The following PLG variants were observed in gnomAD, a reference collection of about 807,000 sequenced individuals.
PLG encodes plasminogen.
In PLG, 41 loss-of-function variants were observed where a neutral mutation model predicts 104.4. The ratio of observed to expected loss-of-function variants is 0.39; its 90% CI spans 0.31 to 0.51. PLG has a LOEUF of 0.51. Among genes scored for constraint, PLG ranks in the 20% least tolerant of loss-of-function variants. The pLI is 0.76. For synonymous variants in PLG, 337 were observed against 357.1 expected (o/e 0.94, Z 0.63); for missense variants, 891 against 1,003.6 (o/e 0.89, Z 1.52).
Position 160,744,769 on chromosome 6 carries a change from C to G in PLG, c.2125+3352C>G, listed in dbSNP as rs1778251498. Among the ~76,000 whole-genome samples the G allele has an allele frequency of 6.6e-6, 1 of 152,084 alleles. No individual in the cohort carries two copies. Among genetic ancestry groups the G allele is most frequent in the South Asian group, 2.1e-4 (1 of 4,828 alleles). On this transcript the variant is annotated intron_variant, in intron 17 of 18. Coordinates refer to ENST00000308192, the MANE Select transcript of PLG (RefSeq NM_000301.5). This position sits in a 1 kb window ranked among gnomAD's most constrained non-coding sequence, Gnocchi z 4.5. The stretch of plus-strand genomic sequence containing the variant: ...TGATGTTAGGTTCTTAATTTGAGAT[C>G]TTTCTTCTTGATGCTAGCATTTGGT...
Position 160,752,144 on chromosome 6 carries a change from G to A in PLG, c.2155G>A (p.Ala719Thr). ...TTTTGGAGCTGGCCTTCTCAAGGAA[G>A]CCCAGCTCCCTGTGATTGAGAATAA... ...GTFGAGLLKE[A>T]QLPVIENKVC... Residue 719 changes from alanine (A) to threonine (T), a missense_variant, in exon 18 of 19, where the codon GCC becomes ACC. By Grantham distance (58) the Ala-to-Thr change is moderately conservative (BLOSUM62 0). This residue lies in a region of PLG where 854 missense variants were observed against 932.1 expected (regional missense o/e 0.92). Transcript: ENST00000308192. The surrounding 1 kb of genome is among the most constrained non-coding windows in gnomAD (Gnocchi z 4.7). The A allele has an allele frequency of 6.2e-7, 1 of 1,613,302 alleles. No individual in the cohort carries two copies. Among genetic ancestry groups the A allele is most frequent in the Non-Finnish European group, 8.5e-7 (1 of 1,179,242 alleles).
intron 17 of PLG, 137 bp from the exon 18 acceptor site, chr6:160,751,978 A>G (rs1355933468): frequency 4.0e-6 from 3 of 752,188 alleles, no homozygotes; most frequent in Non-Finnish European, 7.2e-6. Context: ...AGGGTCAGAG[A>G]CTCCAGCGGC....
chr6:160,731,881 T>G lies in PLG; in HGVS notation c.1575T>G (p.Gly525=). Residue 525 remains glycine (G), a synonymous_variant, in exon 12 of 19, where the codon GGT becomes GGG. Coordinates refer to ENST00000308192, the MANE Select transcript of PLG (RefSeq NM_000301.5). The surrounding 1 kb of genome is among the most constrained non-coding windows in gnomAD (Gnocchi z 5.1). ...IFTPETNPRA[G]LEKNYCRNPD... is the part of the protein sequence containing the mutation. ...CTCCAGAGACAAATCCACGGGCGGG[T>G]CTGGAAAAAAATGTAAGCCACTTTG... 6.2e-7 allele frequency: 1 copy of G among 1,613,844 alleles called. No individual in the cohort carries two copies. Among genetic ancestry groups the G allele is most frequent in the Non-Finnish European group, 8.5e-7 (1 of 1,179,928 alleles).
chr6:160,751,380 T>A (rs1200939522), intron 17 of PLG, among the ~76,000 whole-genome samples: 3 of 152,166 alleles, frequency 2.0e-5, no homozygotes, highest in African/African-American at 7.2e-5. Flanking sequence ...AGAACAGAAA[T>A]GATAAAAGTG....
Position 160,726,187 on chromosome 6 carries a change from T to C in PLG, c.1256+3620T>C, listed in dbSNP as rs1300357947. 1.3e-5 allele frequency among the ~76,000 whole-genome samples: 2 copies of C among 152,116 alleles called. No individual in the cohort carries two copies. Among genetic ancestry groups the C allele is most frequent in the Non-Finnish European group, 1.5e-5 (1 of 67,954 alleles). ...GGAGCATTCCCCAACATATACCATA[T>C]GTGTGGGCCTACAGCAAGTCTTAAT... is the stretch of plus-strand genomic sequence containing the variant. On this transcript the variant is annotated intron_variant, in intron 10 of 18. Transcript: ENST00000308192. The surrounding 1 kb of genome is among the most constrained non-coding windows in gnomAD (Gnocchi z 4.4).
At position 160,713,075 on chromosome 6, in the gene PLG, C is replaced by T. The variant is rs1777672621; in HGVS notation, c.497C>T (p.Thr166Ile). 6.2e-7 allele frequency: 1 copy of T among 1,609,224 alleles called. No homozygotes were observed. The highest frequency in any genetic ancestry group is 8.5e-7 in the Non-Finnish European group (1 of 1,177,322). ...DNDPQGPWCY[T>I]TDPEKRYDYC... ...GATCCGCAGGGGCCCTGGTGCTATA[C>T]TACTGATCCAGAAAAGAGATATGAC... is the stretch of plus-strand genomic sequence containing the variant. The change falls in exon 5 of 19, where the codon ACT becomes ATT. Residue 166 changes from threonine (T) to isoleucine (I), a missense_variant. Coordinates refer to ENST00000308192, the MANE Select transcript of PLG (RefSeq NM_000301.5).
rs913289898 is a variant in PLG, at chr6:160,735,880, T to C, written c.1682-1007T>C. Among the ~76,000 whole-genome samples the C allele has an allele frequency of 2.0e-5, 3 of 152,158 alleles. No homozygotes were observed. The highest frequency in any genetic ancestry group is 4.4e-5 in the Non-Finnish European group (3 of 68,032). Reference sequence around the variant, plus strand: ...CACTAGAGAAGATGATTGCATTCTATGCCTTGCTTCTTTTTTTAAAAAAAG... The same window carrying C: ...CACTAGAGAAGATGATTGCATTCTACGCCTTGCTTCTTTTTTTAAAAAAAG... On this transcript the variant is annotated intron_variant, in intron 13 of 18. Transcript: ENST00000308192. The surrounding 1 kb of genome is among the most constrained non-coding windows in gnomAD (Gnocchi z 5.4).
At chr6:160,711,453 A>C (rs4252083) in intron 4 of PLG, 10,208 of 920,742 alleles carry the variant, frequency 0.011, 187 homozygotes, top group South Asian at 0.042. Flanking sequence ...ATTTTCTGTC[A>C]TCTTTTTCAA....
In PLG at chr6:160,714,847, A is replaced by G; in HGVS notation, c.601A>G (p.Met201Val). ...CTATGACGGCAAAATTTCCAAGACC[A>G]TGTCTGGACTGGAATGCCAGGCCTG... ...ENYDGKISKT[M>V]SGLECQAWDS... Residue 201 changes from methionine to valine, a missense_variant, in exon 6 of 19, where the codon ATG becomes GTG. Around this residue, in one of 2 missense-constraint regions of PLG, gnomAD observed 854 missense variants for 932.1 expected, o/e 0.92. Coordinates refer to ENST00000308192, the MANE Select transcript of PLG (RefSeq NM_000301.5). The G allele has an allele frequency of 2.5e-6, 4 of 1,612,614 alleles. No individual in the cohort carries two copies. Among genetic ancestry groups the G allele is most frequent in the South Asian group, 1.1e-5 (1 of 91,044 alleles).
In PLG at chr6:160,726,408, G is replaced by C. The variant is rs73784939; in HGVS notation, c.1256+3841G>C. ...AATAGTAAAAATACAACATATCAAA[G>C]TTCGTATGATGCAGCGAATGTTTTT... On this transcript the variant is annotated intron_variant, in intron 10 of 18. Transcript: ENST00000308192. This position sits in a 1 kb window ranked among gnomAD's most constrained non-coding sequence, Gnocchi z 4.4. Among the ~76,000 whole-genome samples the C allele has an allele frequency of 0.086, 13,117 of 152,008 alleles. 1,487 individuals carry two copies. The highest frequency in any genetic ancestry group is 0.28 in the Middle Eastern group (81 of 294).
Position 160,739,716 on chromosome 6 carries a change from G to A in PLG, c.2018+508G>A, listed in dbSNP as rs535050546. ...TTTGAGGCTGCAGTGAGTTATGATC[G>A]TGTCACTGCATTCCAGCCTGGGCGA... On this transcript the variant is annotated intron_variant, in intron 16 of 18. Coordinates refer to ENST00000308192, the MANE Select transcript of PLG (RefSeq NM_000301.5). This position sits in a 1 kb window ranked among gnomAD's most constrained non-coding sequence, Gnocchi z 4.4. 4.8e-4 allele frequency among the ~76,000 whole-genome samples: 62 copies of A among 128,480 alleles called. No homozygotes were observed. Among genetic ancestry groups the A allele is most frequent in the Admixed American group, 1.4e-3 (18 of 13,098 alleles). The allele number at this position is 128,480 out of a possible 152,430, so 84.3% of individuals were successfully genotyped here.
At position 160,716,663 on chromosome 6, in the gene PLG, G is replaced by A; in HGVS notation, c.687G>A (p.Leu229=). The change falls in exon 7 of 19, where the codon CTG becomes CTA. Residue 229 remains leucine, a synonymous_variant. Transcript: ENST00000308192. ...YIPSKFPNKN[L]KKNYCRNPDR... is the part of the protein sequence containing the mutation. ...CATTCAGATTTCCAAACAAGAACCT[G>A]AAGAAGAATTACTGTCGTAACCCCG... The A allele has an allele frequency of 1.2e-6, 2 of 1,607,244 alleles. No homozygotes were observed. The highest frequency in any genetic ancestry group is 1.7e-6 in the Non-Finnish European group (2 of 1,173,764).
At chr6:160,750,512 G>T (rs766648761) in intron 17 of PLG, among the ~76,000 whole-genome samples, 22 of 152,204 alleles carry the variant, frequency 1.4e-4, no homozygotes, top group Non-Finnish European at 2.8e-4. Context: ...ATTTTGAGAA[G>T]GGTGCTCCCT....
At chr6:160,702,657 C>T (rs1473817967) in intron 1 of PLG, among the ~76,000 whole-genome samples, 1 of 152,172 alleles carries the variant, frequency 6.6e-6, no homozygotes, top group African/African-American at 2.4e-5. Context: ...ATGCAAAGGA[C>T]GGCTAAGCTC....
In PLG at chr6:160,714,538, C is replaced by A. The variant is rs575516330; in HGVS notation, c.548-256C>A. Among the ~76,000 whole-genome samples, 18 of 152,290 alleles carry A rather than the reference C, an allele frequency of 1.2e-4. No homozygotes were observed. The South Asian group carries it at 3.7e-3, about 32-fold the overall frequency. ...GCATCATGGAAATTCTGAACTTGGT[C>A]ATGACTACAATAGTTGAGGGAGTAT... On this transcript the variant is annotated intron_variant, in intron 5 of 18. Transcript: ENST00000308192.
In PLG at chr6:160,735,262, C is replaced by T. The variant is rs1778068627; in HGVS notation, c.1681+1174C>T. On this transcript the variant is annotated intron_variant, in intron 13 of 18. Transcript: ENST00000308192. The surrounding 1 kb of genome is among the most constrained non-coding windows in gnomAD (Gnocchi z 5.4). ...TGGTACACACCACTGCCTCTCACTGCCCGGGCTCTCTATCCTTGACAGGCT... is the reference window on the plus strand; with the variant it reads ...TGGTACACACCACTGCCTCTCACTGTCCGGGCTCTCTATCCTTGACAGGCT... 6.6e-6 allele frequency among the ~76,000 whole-genome samples: 1 copy of T among 152,152 alleles called. No individual in the cohort carries two copies. The highest frequency in any genetic ancestry group is 1.5e-5 in the Non-Finnish European group (1 of 68,018).
chr6:160,738,639 AGTCTT>A lies in PLG; in HGVS notation c.1877+33_1877+37del. ...TATGTTTAGGGGACAATTGACATGA[AGTCTT>A]GTCTTAAATACTTTTTCTGTCCTTC... On this transcript the variant is annotated intron_variant, in intron 15 of 18. Transcript: ENST00000308192. The surrounding 1 kb of genome is among the most constrained non-coding windows in gnomAD (Gnocchi z 6.8). 3 of 1,415,556 alleles carry A rather than the reference AGTCTT, an allele frequency of 2.1e-6. No homozygotes were observed. The highest frequency in any genetic ancestry group is 3.0e-6 in the Non-Finnish European group (3 of 998,660). 87.7% of individuals were successfully genotyped at this position (1,415,556 alleles called of 1,614,324 possible).
chr6:160,718,989 G>T, intron 9 of PLG, 151 bp downstream of exon 9: 1 of 716,466 alleles, frequency 1.4e-6, no homozygotes, highest in Non-Finnish European at 2.4e-6. Flanking sequence ...TTTTAGATTT[G>T]TTGAGGTTTG....
rs1334777875 is a variant in PLG at position 160,753,546 on chromosome 6, G to C, written c.*485G>C. Among the ~76,000 whole-genome samples the C allele has an allele frequency of 6.6e-6, 1 of 152,146 alleles. No homozygotes were observed. Among genetic ancestry groups the C allele is most frequent in the Non-Finnish European group, 1.5e-5 (1 of 68,026 alleles). ...ATGAATGTTTTCAAAGCTGCAACATGTATGGGGAGTCATGCAAACCGATTC... is the reference window on the plus strand; with the variant it reads ...ATGAATGTTTTCAAAGCTGCAACATCTATGGGGAGTCATGCAAACCGATTC... On this transcript the variant is annotated 3_prime_UTR_variant, in exon 19 of 19. Transcript: ENST00000308192. The surrounding 1 kb of genome is among the most constrained non-coding windows in gnomAD (Gnocchi z 5.4).
Sources: gnomAD v4.1 joint callset for allele counts (sites outside exome capture counted in the v4.1 genomes callset) on GRCh38, gnomAD v4.1.1 for gene constraint, gnomAD v4.1.1 regional missense constraint, Gnocchi (gnomAD v3.1) non-coding constraint, MANE v1.5 for transcripts, NCBI Gene and HGNC (gene_info 2026-07-23, HGNC 2026-07-21) for gene names.